The following CCDC102B variants were observed in gnomAD, a reference collection of about 807,000 sequenced individuals.
CCDC102B encodes the protein coiled-coil domain containing 102B, also known as coiled-coil domain-containing protein 102B.
A neutral mutation model predicts 57.4 loss-of-function variants in CCDC102B; 75 were observed. The observed-to-expected ratio is 1.31, with a 90% CI of 1.08 to 1.58. The LOEUF is 1.58. Ranked by LOEUF, CCDC102B falls within the 40% of genes most tolerant of loss-of-function variation. The pLI is 0.00. For synonymous variants in CCDC102B, 206 were observed against 201.9 expected, an observed-to-expected ratio of 1.02 and a Z score of -0.17; for missense variants, 636 against 582.6, an observed-to-expected ratio of 1.09 and a Z score of -0.94.
chr18:68,903,264 A>C (rs564652831), intron 6 of CCDC102B, among the ~76,000 whole-genome samples: 2 of 152,252 alleles, frequency 1.3e-5, no homozygotes, highest in South Asian at 2.1e-4. Context: ...ATCCTAAACC[A>C]TTTTTATGCT....
chr18:68,845,058 C>T (rs2037800363), intron 3 of CCDC102B, among the ~76,000 whole-genome samples: 1 of 151,836 alleles, frequency 6.6e-6, no homozygotes, highest in Non-Finnish European at 1.5e-5. Context: ...TAAGCTCTAA[C>T]TAATTCTTTT....
At chr18:68,813,029 C>G (rs2036328731) in intron 1 of CCDC102B, among the ~76,000 whole-genome samples, 1 of 151,866 alleles carries the variant, frequency 6.6e-6, no homozygotes, top group Non-Finnish European at 1.5e-5. Flanking sequence ...CCATCCAAAT[C>G]TCTTATTGAA....
intron 6 of CCDC102B, among the ~76,000 whole-genome samples, chr18:68,906,001 G>C (rs2040628820): frequency 6.6e-6 from 1 of 151,866 alleles, no homozygotes; most frequent in Non-Finnish European, 1.5e-5. Context: ...CACCATGTTA[G>C]CCAGGATGGT....
chr18:69,007,464 C>G (rs2051382771), intron 6 of CCDC102B, among the ~76,000 whole-genome samples: 1 of 152,142 alleles, frequency 6.6e-6, no homozygotes, highest in Non-Finnish European at 1.5e-5. Flanking sequence ...TACTTTTTCT[C>G]TTTTCTCATT....
intron 1 of CCDC102B, among the ~76,000 whole-genome samples, chr18:68,824,750 T>C (rs9963502): frequency 0.46 from 70,280 of 152,060 alleles, 17,186 homozygotes; most frequent in East Asian, 0.9. Flanking sequence ...TATAAGTCTT[T>C]GGAAATGTTT....
chr18:68,999,719 G>A (rs974523086), intron 6 of CCDC102B, among the ~76,000 whole-genome samples: 1 of 152,156 alleles, frequency 6.6e-6, no homozygotes, highest in African/African-American at 2.4e-5. Context: ...TCTGTCTTAT[G>A]TTGCCTTCAA....
rs76501779 is a variant in CCDC102B, at chr18:68,727,437, A to G, written c.-67+10843A>G. On this transcript the variant is annotated intron_variant, in intron 2 of 3. Transcript: ENST00000578970. Reference sequence around the variant, plus strand: ...GAACTCCTGAACTACCTCTTATGTCATGAGTAATGTCAATAAAGCATCCCA... The same window carrying G: ...GAACTCCTGAACTACCTCTTATGTCGTGAGTAATGTCAATAAAGCATCCCA... Among the ~76,000 whole-genome samples, 1,096 of 152,346 alleles carry G rather than the reference A, an allele frequency of 7.2e-3. 16 individuals are homozygous for G. Among genetic ancestry groups the G allele is most frequent in the African/African-American group, 0.025 (1,037 of 41,582 alleles).
chr18:68,949,469 AG>A (rs998949823), intron 6 of CCDC102B, among the ~76,000 whole-genome samples: 11 of 152,116 alleles, frequency 7.2e-5, no homozygotes, highest in Admixed American at 7.2e-4. Flanking sequence ...TAATACTATG[AG>A]GTAGGAATAT....
intron 6 of CCDC102B, among the ~76,000 whole-genome samples, chr18:68,948,794 G>C (rs1261191060): frequency 4.6e-5 from 7 of 152,134 alleles, no homozygotes; most frequent in Non-Finnish European, 7.3e-5. Context: ...TAAGTGCCGA[G>C]TGTAACTGTG....
At chr18:68,838,281 A>C (rs776769520) in intron 2 of CCDC102B, 11 of 475,488 alleles carry the variant, frequency 2.3e-5, no homozygotes, top group Non-Finnish European at 3.0e-5. Flanking sequence ...TAAAATATTC[A>C]ACAGCTTCCT....
chr18:68,984,529 A>G (rs921437853), intron 6 of CCDC102B, among the ~76,000 whole-genome samples: 3 of 152,238 alleles, frequency 2.0e-5, no homozygotes, highest in East Asian at 1.9e-4. Context: ...CCTAGAAACT[A>G]TTTTTAACCT....
At chr18:69,037,004 T>TAC (rs2052310926) in intron 7 of CCDC102B, among the ~76,000 whole-genome samples, 2 of 131,278 alleles carry the variant, frequency 1.5e-5, no homozygotes, top group Non-Finnish European at 3.3e-5. Context: ...TGTATGTGTA[T>TAC]ATATATGTGT....
intron 6 of CCDC102B, among the ~76,000 whole-genome samples, chr18:68,957,557 GT>G (rs33933822): frequency 1.4e-3 from 181 of 131,726 alleles, no homozygotes; most frequent in Middle Eastern, 4.0e-3. Flanking sequence ...GATTCTTCCA[GT>G]TTTTTTTTTT....
At chr18:68,947,765 T>A (rs1256376054) in intron 6 of CCDC102B, among the ~76,000 whole-genome samples, 2 of 152,096 alleles carry the variant, frequency 1.3e-5, no homozygotes, top group African/African-American at 4.8e-5. Flanking sequence ...TGTATTGAAC[T>A]ATGACAGGGA....
Position 68,733,756 on chromosome 18 carries a change from A to C in CCDC102B, c.-67+17162A>C, listed in dbSNP as rs563011070. The stretch of plus-strand genomic sequence containing the variant: ...AATTCCTTTATAACTTCAACGATTA[A>C]AAATTTTTTACACTTTATTGCATGT... On this transcript the variant is annotated intron_variant, in intron 2 of 3. Coordinates refer to the CCDC102B transcript ENST00000578970. Among the ~76,000 whole-genome samples the C allele has an allele frequency of 1.4e-4, 21 of 152,178 alleles. No homozygotes were observed. The South Asian group carries it at 3.9e-3, about 29-fold the overall frequency.
intron 6 of CCDC102B, among the ~76,000 whole-genome samples, chr18:68,916,172 C>A (rs2041067820): frequency 7.2e-6 from 1 of 138,850 alleles, no homozygotes; most frequent in South Asian, 2.4e-4. Context: ...GATAGATATG[C>A]ATCTATCTAT....
chr18:68,827,643 C>G (rs76199619), intron 1 of CCDC102B, among the ~76,000 whole-genome samples: 1 of 151,870 alleles, frequency 6.6e-6, no homozygotes, highest in East Asian at 1.9e-4. Flanking sequence ...TAAGTTCTAA[C>G]ACATCAATAA....
At chr18:68,816,647 G>A (rs1284741223) in intron 1 of CCDC102B, among the ~76,000 whole-genome samples, 1 of 151,790 alleles carries the variant, frequency 6.6e-6, no homozygotes, top group African/African-American at 2.4e-5. Flanking sequence ...TCTATTTTTA[G>A]TACAGACGGG....
chr18:68,790,784 G>A (rs1285578682), intron 2 of CCDC102B, among the ~76,000 whole-genome samples: 7 of 151,818 alleles, frequency 4.6e-5, no homozygotes, highest in South Asian at 2.1e-4. Context: ...AGAAATCACC[G>A]TCTTCTGCGT....
Sources: allele counts gnomAD v4.1 joint callset (sites outside exome capture counted in the v4.1 genomes callset), GRCh38; gene constraint gnomAD v4.1.1; transcripts MANE v1.5; gene names NCBI Gene and HGNC (gene_info 2026-07-23, HGNC 2026-07-21).